The following SLC24A2 variants were observed in gnomAD, a reference collection of about 807,000 sequenced individuals.
SLC24A2 encodes sodium/potassium/calcium exchanger 2.
SLC24A2 carries 36 observed loss-of-function variants against 62.0 expected under a neutral mutation model. The ratio of observed to expected loss-of-function variants is 0.58; its 90% CI spans 0.44 to 0.77. The LOEUF is 0.77. Among genes scored for constraint, SLC24A2 ranks in the 30% least tolerant of loss-of-function variants. The pLI is 0.00. For missense variants in SLC24A2, 846 were observed against 817.9 expected (o/e 1.03, Z -0.42); for synonymous variants, 358 against 294.0 (o/e 1.22, Z -2.23).
the SLC24A2 span, among the ~76,000 whole-genome samples, chr9:19,841,026 T>A: frequency 8.8e-3 from 1,334 of 152,274 alleles, 13 homozygotes; most frequent in Admixed American, 0.013. Context: ...AGTTTTTTTT[T>A]ATGAACCATA....
the SLC24A2 span, among the ~76,000 whole-genome samples, chr9:20,072,782 A>G: frequency 6.6e-6 from 1 of 152,228 alleles, no homozygotes; most frequent in East Asian, 1.9e-4. Flanking sequence ...GCCAAGGAAT[A>G]CAAGAAGCTG....
the SLC24A2 span, among the ~76,000 whole-genome samples, chr9:20,273,859 T>G: frequency 6.6e-6 from 1 of 152,194 alleles, no homozygotes; most frequent in Non-Finnish European, 1.5e-5. Flanking sequence ...AAAAGGACAG[T>G]TTTACCCATT....
chr9:19,973,645 G>A, the SLC24A2 span, among the ~76,000 whole-genome samples: 1 of 152,102 alleles, frequency 6.6e-6, no homozygotes. Flanking sequence ...AGGATTTGGG[G>A]ATAATTTAAT....
chr9:20,244,382 T>TA, the SLC24A2 span, among the ~76,000 whole-genome samples: 1 of 152,106 alleles, frequency 6.6e-6, no homozygotes, highest in African/African-American at 2.4e-5. Context: ...AGACAGCCTT[T>TA]AAGCCAGCAC....
the SLC24A2 span, among the ~76,000 whole-genome samples, chr9:19,955,091 C>G: frequency 5.3e-4 from 80 of 151,980 alleles, 2 homozygotes; most frequent in East Asian, 0.01. Context: ...ATACAAATAT[C>G]TTTATATTAT....
chr9:20,286,915 G>C, the SLC24A2 span, among the ~76,000 whole-genome samples: 1 of 152,108 alleles, frequency 6.6e-6, no homozygotes, highest in Non-Finnish European at 1.5e-5. Flanking sequence ...CTTAACAATT[G>C]CACTAGAATG....
At chr9:20,052,212 C>T in the SLC24A2 span, among the ~76,000 whole-genome samples, 1 of 152,192 alleles carries the variant, frequency 6.6e-6, no homozygotes, top group African/African-American at 2.4e-5. Context: ...CCACTCTTCT[C>T]TCATCTCAGT....
the SLC24A2 span, among the ~76,000 whole-genome samples, chr9:20,208,582 C>A: frequency 1.3e-5 from 2 of 152,196 alleles, no homozygotes; most frequent in Non-Finnish European, 1.5e-5. Context: ...AAATGTTTCA[C>A]CCAGCATACA....
the SLC24A2 span, among the ~76,000 whole-genome samples, chr9:20,169,155 A>G: frequency 6.6e-6 from 1 of 152,060 alleles, no homozygotes; most frequent in Non-Finnish European, 1.5e-5. Flanking sequence ...AGGCAAATTC[A>G]TAGATAGACA....
At chr9:20,234,558 G>A in the SLC24A2 span, among the ~76,000 whole-genome samples, 1 of 152,306 alleles carries the variant, frequency 6.6e-6, no homozygotes, top group Non-Finnish European at 1.5e-5. Flanking sequence ...TAGCTCTCGT[G>A]CCTTGGTTTT....
At chr9:19,991,981 T>A in the SLC24A2 span, among the ~76,000 whole-genome samples, 2 of 152,196 alleles carry the variant, frequency 1.3e-5, no homozygotes, top group South Asian at 2.1e-4. Context: ...GTAAAGTAAG[T>A]CACCCAAGTT....
At chr9:19,629,345 A>G (rs1818118731) in intron 2 of SLC24A2, among the ~76,000 whole-genome samples, 1 of 152,202 alleles carries the variant, frequency 6.6e-6, no homozygotes, top group South Asian at 2.1e-4. Flanking sequence ...ATGAGCTCTG[A>G]CTTCCAATGG....
chr9:20,060,449 A>G, the SLC24A2 span, among the ~76,000 whole-genome samples: 1 of 152,182 alleles, frequency 6.6e-6, no homozygotes, highest in African/African-American at 2.4e-5. Flanking sequence ...GATTATTATT[A>G]ACACCAAGTG....
chr9:19,890,214 G>T, the SLC24A2 span, among the ~76,000 whole-genome samples: 1 of 152,066 alleles, frequency 6.6e-6, no homozygotes, highest in African/African-American at 2.4e-5. Context: ...CAATAAGAGG[G>T]AAGCCACAGT....
intron 2 of SLC24A2, among the ~76,000 whole-genome samples, chr9:19,694,346 T>A (rs534635348): frequency 4.6e-5 from 7 of 152,230 alleles, no homozygotes; most frequent in African/African-American, 1.7e-4. Flanking sequence ...TTTATGTAAG[T>A]ATTTGTTCTC....
chr9:19,532,685 G>A (rs1209127956), intron 8 of SLC24A2, among the ~76,000 whole-genome samples: 5 of 152,142 alleles, frequency 3.3e-5, no homozygotes, highest in Non-Finnish European at 5.9e-5. Context: ...TTCTAGCTGG[G>A]TGTGCTTGAA....
At chr9:20,028,346 A>C in the SLC24A2 span, among the ~76,000 whole-genome samples, 1 of 152,088 alleles carries the variant, frequency 6.6e-6, no homozygotes, top group Non-Finnish European at 1.5e-5. Context: ...TTCAGCCAGC[A>C]CTCTGCTGCA....
the SLC24A2 span, among the ~76,000 whole-genome samples, chr9:20,172,982 C>A: frequency 6.6e-6 from 1 of 152,026 alleles, no homozygotes; most frequent in African/African-American, 2.4e-5. Flanking sequence ...AGATAATCCA[C>A]CACGATCAAG....
intron 2 of SLC24A2, among the ~76,000 whole-genome samples, chr9:19,696,300 G>A (rs1820190615): frequency 6.6e-6 from 1 of 152,158 alleles, no homozygotes; most frequent in Admixed American, 6.5e-5. Flanking sequence ...AAAAGGTTGG[G>A]ACCATTGCTT....
Sources: gnomAD v4.1 joint callset for allele counts (sites outside exome capture counted in the v4.1 genomes callset) on GRCh38, gnomAD v4.1.1 for gene constraint, MANE v1.5 for transcripts, NCBI Gene and HGNC (gene_info 2026-07-23, HGNC 2026-07-21) for gene names.